Variants in MEF2D observed in about 807,000 individuals in gnomAD.
MEF2D encodes myocyte-specific enhancer factor 2D.
Under a neutral mutation model 59.3 loss-of-function variants are expected in MEF2D, and 10 were observed. The observed-to-expected ratio is 0.17, with a 90% CI of 0.10 to 0.29. The LOEUF is 0.29. MEF2D is among the 10% of genes least tolerant of loss of function. The pLI, the probability that MEF2D is intolerant of heterozygous loss-of-function variation, is 1.00. For synonymous variants in MEF2D, 305 were observed against 295.0 expected, an observed-to-expected ratio of 1.03 and a Z score of -0.35; for missense variants, 508 against 699.4, an observed-to-expected ratio of 0.73 and a Z score of 3.09.
At chr1:156,481,060 T>C in intron 3 of MEF2D, 89 bp from the exon 4 acceptor site, 3 of 1,566,608 alleles carry the variant, frequency 1.9e-6, no homozygotes, top group South Asian at 2.3e-5. Flanking sequence ...AAGGGCCCCC[T>C]ACTCTTCCCC....
chr1:156,468,726 TC>T lies in MEF2D; in HGVS notation c.1247+53del, dbSNP rs1671030391. 1 of 1,579,176 alleles carries T rather than the reference TC, an allele frequency of 6.3e-7. No individual in the cohort carries two copies. Among genetic ancestry groups the T allele is most frequent in the African/African-American group, 1.3e-5 (1 of 74,438 alleles). ...CCAGCTCCCAAGAGGTCCCTCCTCT[TC>T]CCGTTCAATTCTCCCTTCCCACACA... On this transcript the variant is annotated intron_variant, in intron 10 of 11. Transcript: ENST00000348159. The surrounding 1 kb of genome is among the most constrained non-coding windows in gnomAD (Gnocchi z 4.3).
In MEF2D at chr1:156,468,208, G is replaced by A. The variant is rs779098549; in HGVS notation, c.1339C>T (p.Arg447Cys). ...GGGGGAGGCGCAGGGCTGCGCTCAC[G>A]GCTTGGGGACACCGGTTCTGACTTG... ...SIKSEPVSPS[R>C]ERSPAPPPPA... The change falls in exon 11 of 12, where the codon CGT (arginine) becomes TGT (cysteine). Residue 447 changes from arginine (R) to cysteine (C), a missense_variant. By Grantham distance (180) the Arg-to-Cys change is radical. Around this residue, in one of 2 missense-constraint regions of MEF2D, gnomAD observed 481 missense variants for 584.7 expected, o/e 0.82. Transcript: ENST00000348159. This position sits in a 1 kb window ranked among gnomAD's most constrained non-coding sequence, Gnocchi z 4.3. The A allele has an allele frequency of 5.0e-6, 8 of 1,612,750 alleles. No individual in the cohort carries two copies. The highest frequency in any genetic ancestry group is 4.5e-5 in the East Asian group (2 of 44,852).
chr1:156,485,934 C>T (rs919564399), intron 1 of MEF2D, among the ~76,000 whole-genome samples: 5 of 151,862 alleles, frequency 3.3e-5, no homozygotes, highest in Non-Finnish European at 7.4e-5. Flanking sequence ...ACCGCAACCT[C>T]TGCCTCCCGG....
At chr1:156,469,748 G>A (rs533457780) in intron 9 of MEF2D, among the ~76,000 whole-genome samples, 61 of 152,180 alleles carry the variant, frequency 4.0e-4, no homozygotes, top group Non-Finnish European at 6.3e-4. Context: ...ATTAGCTAGG[G>A]TGGTGGGGTG....
At chr1:156,497,769 G>GT (rs751306730) in intron 1 of MEF2D, among the ~76,000 whole-genome samples, 5 of 152,118 alleles carry the variant, frequency 3.3e-5, no homozygotes, top group Non-Finnish European at 5.9e-5. Flanking sequence ...CCAGGCCAGC[G>GT]TAAGTCCTGA....
At chr1:156,491,225 C>T (rs879910784) in intron 1 of MEF2D, among the ~76,000 whole-genome samples, 1 of 152,168 alleles carries the variant, frequency 6.6e-6, no homozygotes, top group Non-Finnish European at 1.5e-5. Flanking sequence ...AAGATGTGAT[C>T]CTGAGTAAGT....
chr1:156,492,718 T>C (rs1672883291), intron 1 of MEF2D, among the ~76,000 whole-genome samples: 1 of 152,072 alleles, frequency 6.6e-6, no homozygotes, highest in African/African-American at 2.4e-5. Context: ...GTGGGGGCGG[T>C]TGGGACGGTT....
intron 9 of MEF2D, among the ~76,000 whole-genome samples, chr1:156,472,313 A>G (rs1423554314): frequency 6.6e-6 from 1 of 152,190 alleles, no homozygotes; most frequent in African/African-American, 2.4e-5. Flanking sequence ...AGACGGGCCC[A>G]CAGCGTGTGT....
intron 9 of MEF2D, among the ~76,000 whole-genome samples, chr1:156,470,129 G>C (rs1186257279): frequency 2.0e-5 from 3 of 152,178 alleles, no homozygotes; most frequent in Admixed American, 6.5e-5. Context: ...AGAATAAATA[G>C]AATCACTGAA....
intron 1 of MEF2D, among the ~76,000 whole-genome samples, chr1:156,492,036 G>T (rs1199728206): frequency 6.6e-6 from 1 of 152,256 alleles, no homozygotes; most frequent in Non-Finnish European, 1.5e-5. Context: ...CAGAGATGGG[G>T]AAGGGGTGTG....
At chr1:156,469,660 A>G (rs1671102424) in intron 9 of MEF2D, among the ~76,000 whole-genome samples, 1 of 151,434 alleles carries the variant, frequency 6.6e-6, no homozygotes, top group African/African-American at 2.4e-5. Flanking sequence ...AGGTCAAGGC[A>G]GAAGGACCAC....
chr1:156,491,699 G>A (rs549580564), intron 1 of MEF2D, among the ~76,000 whole-genome samples: 3 of 152,208 alleles, frequency 2.0e-5, no homozygotes, highest in Admixed American at 2.0e-4. Flanking sequence ...TTTGGTCCCT[G>A]GTGGGACCAG....
At chr1:156,473,787 C>G (rs937312127) in intron 9 of MEF2D, among the ~76,000 whole-genome samples, 1 of 152,096 alleles carries the variant, frequency 6.6e-6, no homozygotes, top group Non-Finnish European at 1.5e-5. Flanking sequence ...ACCTTCAGAT[C>G]CCCTCTCTAA....
intron 1 of MEF2D, among the ~76,000 whole-genome samples, chr1:156,486,937 T>A (rs1011609819): frequency 6.6e-6 from 1 of 152,228 alleles, no homozygotes; most frequent in African/African-American, 2.4e-5. Context: ...CTCTATCCTC[T>A]ATGGAGCTAG....
chr1:156,473,938 G>A (rs1431025881), intron 9 of MEF2D, among the ~76,000 whole-genome samples: 1 of 152,120 alleles, frequency 6.6e-6, no homozygotes, highest in Non-Finnish European at 1.5e-5. Context: ...GACCCTGACT[G>A]TGCTTTCTCT....
intron 1 of MEF2D, among the ~76,000 whole-genome samples, chr1:156,488,171 T>C (rs1672496337): frequency 6.6e-6 from 1 of 152,060 alleles, no homozygotes; most frequent in Admixed American, 6.6e-5. Context: ...ACCTTGTGGG[T>C]GGCAGGGGGT....
At position 156,468,185 on chromosome 1, in the gene MEF2D, G is replaced by A. The variant is rs1473597557; in HGVS notation, c.1362C>T (p.Pro454=). ...SPSRERSPAP[P]PPAVFPAARP... ...GGGCAGCTGGGAACACAGCTGGAGG[G>A]GGAGGCGCAGGGCTGCGCTCACGGC... Residue 454 remains proline (P), a synonymous_variant, in exon 11 of 12, where the codon CCC becomes CCT. Coordinates refer to ENST00000348159, the MANE Select transcript of MEF2D (RefSeq NM_005920.4). The surrounding 1 kb of genome is among the most constrained non-coding windows in gnomAD (Gnocchi z 4.3). 1.2e-6 allele frequency: 2 copies of A among 1,613,846 alleles called. No individual in the cohort carries two copies. Among genetic ancestry groups the A allele is most frequent in the East Asian group, 4.5e-5 (2 of 44,870 alleles).
At chr1:156,487,341 A>G (rs1201566768) in intron 1 of MEF2D, among the ~76,000 whole-genome samples, 1 of 152,174 alleles carries the variant, frequency 6.6e-6, no homozygotes, top group African/African-American at 2.4e-5. Flanking sequence ...AGCCCAAAGC[A>G]CTTTTTATAA....
rs1004211518 is a variant in MEF2D at position 156,467,518 on chromosome 1, G to A, written c.*127C>T. 1.5e-5 allele frequency: 8 copies of A among 541,440 alleles called. No homozygotes were observed. The highest frequency in any genetic ancestry group is 1.3e-4 in the South Asian group (2 of 14,936). 33.5% of individuals were successfully genotyped at this position (541,440 alleles called of 1,614,324 possible). On this transcript the variant is annotated 3_prime_UTR_variant, in exon 12 of 12. Transcript: ENST00000348159. ...ATAATAATTATACACAAATGTAACC[G>A]TCAACAGGACACGAAGCACAAGAAA...
Sources: allele counts gnomAD v4.1 joint callset (sites outside exome capture counted in the v4.1 genomes callset), GRCh38; gene constraint gnomAD v4.1.1; regional missense constraint gnomAD v4.1.1; non-coding constraint Gnocchi (gnomAD v3.1); transcripts MANE v1.5; gene names NCBI Gene and HGNC (gene_info 2026-07-23, HGNC 2026-07-21).